Variants in L3MBTL4 observed in about 807,000 individuals in gnomAD.
L3MBTL4 encodes the protein lethal(3)malignant brain tumor-like protein 4.
L3MBTL4 carries 70 observed loss-of-function variants against 84.5 expected under a neutral mutation model. The ratio of observed to expected loss-of-function variants is 0.83; its 90% confidence interval spans 0.68 to 1.01. The LOEUF is 1.01. L3MBTL4 is among the 50% of genes least tolerant of loss of function. The pLI, the probability that L3MBTL4 is intolerant of heterozygous loss-of-function variation, is 0.00. For synonymous variants in L3MBTL4, 274 were observed against 259.8 expected (o/e 1.05, Z -0.52); for missense variants, 715 against 754.8 (o/e 0.95, Z 0.62).
chr18:6,190,644 G>GA (rs952804589), intron 12 of L3MBTL4, among the ~76,000 whole-genome samples: 6 of 152,102 alleles, frequency 3.9e-5, no homozygotes, highest in African/African-American at 1.4e-4. Flanking sequence ...CAAAACAGGG[G>GA]AAAAAATTCC....
intron 4 of L3MBTL4, among the ~76,000 whole-genome samples, chr18:6,279,446 T>C (rs1176523933): frequency 6.6e-6 from 1 of 152,030 alleles, no homozygotes; most frequent in Non-Finnish European, 1.5e-5. Flanking sequence ...AGATGGAGGA[T>C]CACTTTAACA....
At chr18:6,114,581 T>A (rs1378527987) in intron 14 of L3MBTL4, among the ~76,000 whole-genome samples, 1 of 152,230 alleles carries the variant, frequency 6.6e-6, no homozygotes, top group Non-Finnish European at 1.5e-5. Context: ...TTTCAACCAA[T>A]GTTTCCAGAA....
At chr18:6,114,391 C>T (rs989436857) in intron 14 of L3MBTL4, among the ~76,000 whole-genome samples, 4 of 152,174 alleles carry the variant, frequency 2.6e-5, no homozygotes, top group Admixed American at 1.3e-4. Flanking sequence ...AGTACTAAAA[C>T]CCTGGGTATC....
At chr18:5,974,785 T>TTTGACA (rs1333886387) in intron 16 of L3MBTL4, among the ~76,000 whole-genome samples, 2 of 152,094 alleles carry the variant, frequency 1.3e-5, no homozygotes, top group African/African-American at 4.8e-5. Flanking sequence ...GACAACACGG[T>TTTGACA]GAGACCCTGT....
intron 1 of L3MBTL4, among the ~76,000 whole-genome samples, chr18:6,318,762 A>G (rs1398630022): frequency 6.6e-6 from 1 of 152,032 alleles, no homozygotes; most frequent in Admixed American, 6.6e-5. Flanking sequence ...AAATTAAACT[A>G]CATGATAGAA....
chr18:6,324,235 G>C (rs1295619031), intron 1 of L3MBTL4, among the ~76,000 whole-genome samples: 1 of 152,230 alleles, frequency 6.6e-6, no homozygotes, highest in Non-Finnish European at 1.5e-5. Context: ...CAGTGGTGGA[G>C]TCCTCACAGA....
chr18:5,972,638 AC>A (rs1312851376), intron 16 of L3MBTL4, among the ~76,000 whole-genome samples: 1 of 151,786 alleles, frequency 6.6e-6, no homozygotes, highest in Non-Finnish European at 1.5e-5. Context: ...CCTTCTTTGT[AC>A]TCTTTAGCAG....
At chr18:6,164,660 C>A (rs1216072779) in intron 13 of L3MBTL4, among the ~76,000 whole-genome samples, 1 of 152,126 alleles carries the variant, frequency 6.6e-6, no homozygotes, top group Admixed American at 6.5e-5. Context: ...AAAGGACATC[C>A]ACACCAAAAA....
At chr18:6,160,685 C>T (rs1021098028) in intron 13 of L3MBTL4, among the ~76,000 whole-genome samples, 6 of 149,126 alleles carry the variant, frequency 4.0e-5, no homozygotes, top group African/African-American at 1.5e-4. Context: ...GAGCTGAAAT[C>T]GCACCATTAC....
intron 1 of L3MBTL4, among the ~76,000 whole-genome samples, chr18:6,389,045 G>A (rs2054938279): frequency 6.6e-6 from 1 of 152,152 alleles, no homozygotes; most frequent in Non-Finnish European, 1.5e-5. Context: ...GCTCTGATTT[G>A]TCACAAGGTA....
intron 14 of L3MBTL4, among the ~76,000 whole-genome samples, chr18:6,095,460 C>T (rs1481013705): frequency 1.3e-5 from 2 of 151,618 alleles, no homozygotes; most frequent in Non-Finnish European, 2.9e-5. Context: ...ACGCCATTCT[C>T]CTGCCTCAGC....
Position 6,073,540 on chromosome 18 carries a change from A to T in L3MBTL4, c.1444+7341T>A, listed in dbSNP as rs1456812611. Among the ~76,000 whole-genome samples the T allele has an allele frequency of 3.3e-5, 5 of 152,230 alleles. 1 individual carries two copies. The highest frequency in any genetic ancestry group is 1.2e-4 in the African/African-American group (5 of 41,466). The stretch of plus-strand genomic sequence containing the variant: ...TGGTGATAATGGAGAAAGAGGGAAT[A>T]TCAAAACGAGATGAAGAAGACATTA... On this transcript the variant is annotated intron_variant, in intron 16 of 18. Coordinates refer to ENST00000317931, the MANE Select transcript of L3MBTL4 (RefSeq NM_001330559.2).
chr18:6,245,992 T>C (rs1165934963), intron 5 of L3MBTL4, among the ~76,000 whole-genome samples: 1 of 152,232 alleles, frequency 6.6e-6, no homozygotes, highest in Non-Finnish European at 1.5e-5. Context: ...GCCTACTTTT[T>C]TCACATGGAA....
chr18:5,990,387 A>G (rs375431634), intron 16 of L3MBTL4, among the ~76,000 whole-genome samples: 5 of 152,232 alleles, frequency 3.3e-5, no homozygotes, highest in African/African-American at 9.6e-5. Context: ...GCAATAGTAC[A>G]AAGAGAAAAT....
chr18:6,105,095 A>C (rs2058957722), intron 14 of L3MBTL4, among the ~76,000 whole-genome samples: 1 of 151,980 alleles, frequency 6.6e-6, no homozygotes, highest in Non-Finnish European at 1.5e-5. Context: ...AGAGAATATG[A>C]TCAATATTAC....
At chr18:6,166,593 A>T (rs2043671430) in intron 13 of L3MBTL4, among the ~76,000 whole-genome samples, 1 of 152,238 alleles carries the variant, frequency 6.6e-6, no homozygotes. Flanking sequence ...GTACATAACA[A>T]AATGAAGGCA....
intron 16 of L3MBTL4, among the ~76,000 whole-genome samples, chr18:6,071,819 A>G (rs1308166695): frequency 3.6e-4 from 45 of 124,482 alleles, no homozygotes; most frequent in Middle Eastern, 3.7e-3. Context: ...AAGAAAGGAA[A>G]GAAAGAAAGA....
intron 16 of L3MBTL4, among the ~76,000 whole-genome samples, chr18:5,994,798 A>G (rs187525669): frequency 5.9e-5 from 9 of 152,288 alleles, no homozygotes; most frequent in East Asian, 1.9e-4. Context: ...TTCAACTTCT[A>G]TCATTTTGTC....
At chr18:6,368,085 A>G (rs1379262808) in intron 1 of L3MBTL4, among the ~76,000 whole-genome samples, 3 of 152,044 alleles carry the variant, frequency 2.0e-5, no homozygotes, top group Non-Finnish European at 4.4e-5. Context: ...GAAAGCCACA[A>G]GAGAGTAAAC....
Sources: gnomAD v4.1 joint callset for allele counts (sites outside exome capture counted in the v4.1 genomes callset) on GRCh38, gnomAD v4.1.1 for gene constraint, MANE v1.5 for transcripts, NCBI Gene and HGNC (gene_info 2026-07-23, HGNC 2026-07-21) for gene names.